CLEC12A: variants seen among roughly 807,000 people sequenced by gnomAD.
CLEC12A encodes C-type lectin protein CLL-1.
Under a neutral mutation model 26.5 loss-of-function variants are expected in CLEC12A, and 22 were observed. The ratio of observed to expected loss-of-function variants is 0.83; its 90% CI spans 0.59 to 1.19. The LOEUF (loss-of-function observed/expected upper bound fraction) is 1.19, where lower values mean the gene tolerates loss of function less well. Ranked by LOEUF, CLEC12A falls within the 50% of genes most tolerant of loss-of-function variation. The pLI is 0.00. For synonymous variants in CLEC12A, 119 were observed against 101.9 expected (o/e 1.17, Z -1.01); for missense variants, 353 against 315.6 (o/e 1.12, Z -0.90).
At chr12:9,993,201 T>C (rs1169097786) in intron 4 of CLEC12A, 3 of 1,612,608 alleles carry the variant, frequency 1.9e-6, no homozygotes, top group South Asian at 2.2e-5. Flanking sequence ...TAAATAATGT[T>C]TGTTCTCACA....
intron 4 of CLEC12A, chr12:9,991,985 T>C (rs1045610719): frequency 6.6e-6 from 1 of 152,122 alleles, no homozygotes; most frequent in Non-Finnish European, 1.5e-5. Flanking sequence ...CTGAGTAACA[T>C]CAGCATTTGA....
chr12:9,955,485 A>G (rs1189344160), intron 1 of CLEC12A, among the ~76,000 whole-genome samples: 1 of 152,204 alleles, frequency 6.6e-6, no homozygotes, highest in Non-Finnish European at 1.5e-5. Flanking sequence ...CTTTTCTCAT[A>G]AGTAATATAG....
chr12:9,953,488 C>A (rs1401526252), intron 1 of CLEC12A, among the ~76,000 whole-genome samples: 2 of 148,716 alleles, frequency 1.3e-5, no homozygotes, highest in Admixed American at 1.3e-4. Flanking sequence ...CAGCCAGCCG[C>A]CCCGTCCGGG....
chr12:9,993,860 G>A (rs935921546), intron 4 of CLEC12A, among the ~76,000 whole-genome samples: 3 of 152,066 alleles, frequency 2.0e-5, no homozygotes, highest in African/African-American at 7.2e-5. Flanking sequence ...ATACTTATTG[G>A]TTTATTTGGA....
the CLEC12A span, among the ~76,000 whole-genome samples, chr12:10,003,529 T>C: frequency 2.0e-5 from 3 of 152,168 alleles, no homozygotes; most frequent in Non-Finnish European, 2.9e-5. Flanking sequence ...AAATATTGAC[T>C]AAGAGGAGAA....
chr12:9,961,925 C>G (rs1443070803), intron 1 of CLEC12A, among the ~76,000 whole-genome samples: 4 of 152,110 alleles, frequency 2.6e-5, no homozygotes, highest in Non-Finnish European at 1.5e-5. Context: ...TCCTGAAGCT[C>G]TAGGTATGTT....
downstream of CLEC12A, among the ~76,000 whole-genome samples, chr12:9,989,928 T>C (rs1312472374): frequency 6.6e-6 from 1 of 152,184 alleles, no homozygotes; most frequent in African/African-American, 2.4e-5. Context: ...ATGCTAAATG[T>C]ACCTGCCAAT....
chr12:9,979,156 A>G, intron 2 of CLEC12A, 92 bp downstream of exon 2: 1 of 1,138,434 alleles, frequency 8.8e-7, no homozygotes, highest in African/African-American at 1.5e-5. Context: ...AAGATTTATA[A>G]TAATGATAGG....
In CLEC12A at chr12:9,952,593, C is replaced by T. The variant is rs1022082317; in HGVS notation, c.10+1237C>T. 74 of 168,544 alleles carry T rather than the reference C, an allele frequency of 4.4e-4. 2 individuals carry two copies. The highest frequency in any genetic ancestry group is 7.3e-4 in the Admixed American group (11 of 15,102). 10.4% of individuals were successfully genotyped at this position (168,544 alleles called of 1,614,324 possible). Reference sequence around the variant, plus strand: ...CGAGATTGCAGCCTCTGCCCGGCCGCCACCCCGTCTGGGAAGTGAGGAGTG... The same window carrying T: ...CGAGATTGCAGCCTCTGCCCGGCCGTCACCCCGTCTGGGAAGTGAGGAGTG... On this transcript the variant is annotated intron_variant, in intron 1 of 6. Transcript: ENST00000355690.
rs1451505873 is a variant in CLEC12A, at chr12:9,979,379, A to G, written c.234A>G (p.Leu78=). The change falls in exon 3 of 6, where the codon CTA becomes CTG. Residue 78 remains leucine, a synonymous_variant. Transcript: ENST00000304361. ...TAGAAATGAAAAAAATGAACAAACT[A>G]CAAAACATCAGTGAAGAGCTCCAGA... ...LKIEMKKMNK[L]QNISEELQRN... The G allele has an allele frequency of 3.7e-6, 6 of 1,606,958 alleles. No individual in the cohort carries two copies. The South Asian group carries it at 6.7e-5, about 18-fold the overall frequency.
chr12:9,980,771 G>A (rs1160503971), intron 4 of CLEC12A, 38 bp downstream of exon 4: 7 of 1,604,282 alleles, frequency 4.4e-6, no homozygotes, highest in Admixed American at 1.7e-5. Flanking sequence ...GGGATAGAGA[G>A]GGGTGTGGCA....
intron 1 of CLEC12A, among the ~76,000 whole-genome samples, chr12:9,962,686 G>A (rs989904712): frequency 2.6e-5 from 4 of 152,128 alleles, no homozygotes; most frequent in African/African-American, 9.7e-5. Context: ...TGAGCCAGGA[G>A]AAGGAATTTT....
chr12:9,964,474 T>C (rs991045786), intron 1 of CLEC12A, among the ~76,000 whole-genome samples: 2 of 151,970 alleles, frequency 1.3e-5, no homozygotes, highest in East Asian at 3.9e-4. Flanking sequence ...AGAATGGGAA[T>C]GAGAATAAGA....
At chr12:9,962,132 G>GTAGC (rs919427360) in intron 1 of CLEC12A, among the ~76,000 whole-genome samples, 111 of 152,284 alleles carry the variant, frequency 7.3e-4, no homozygotes, top group African/African-American at 2.5e-3. Flanking sequence ...GCTTCCGGCA[G>GTAGC]TAGCTAGCCC....
chr12:9,958,348 A>G (rs1315218203), intron 1 of CLEC12A, among the ~76,000 whole-genome samples: 1 of 152,242 alleles, frequency 6.6e-6, no homozygotes. Flanking sequence ...AGAACAGCCT[A>G]CTTGGTGGAC....
At chr12:9,987,748 G>GT (rs551821321), downstream of CLEC12A, among the ~76,000 whole-genome samples, 325 of 151,820 alleles carry the variant, frequency 2.1e-3, no homozygotes, top group Middle Eastern at 6.8e-3. Flanking sequence ...GTTTTTGTTT[G>GT]TTTTTTTGTT....
intron 4 of CLEC12A, chr12:9,991,570 C>CAAGTAACAAGTAAA (rs1864893528): frequency 6.6e-6 from 1 of 152,100 alleles, no homozygotes; most frequent in Non-Finnish European, 1.5e-5. Flanking sequence ...GATCTCCAGA[C>CAAGTAACAAGTAAA]ATTTGAAGTA....
At chr12:9,991,300 T>G (rs1864887472) in intron 4 of CLEC12A, 1 of 152,204 alleles carries the variant, frequency 6.6e-6, no homozygotes, top group South Asian at 2.1e-4. Context: ...TATAAGATAC[T>G]TTAGATATGA....
intron 1 of CLEC12A, among the ~76,000 whole-genome samples, chr12:9,959,730 A>G (rs762336237): frequency 6.6e-6 from 1 of 152,170 alleles, no homozygotes; most frequent in Non-Finnish European, 1.5e-5. Context: ...GCATATTCCA[A>G]GGAGACCTCA....
Sources: allele counts gnomAD v4.1 joint callset (sites outside exome capture counted in the v4.1 genomes callset), GRCh38; gene constraint gnomAD v4.1.1; transcripts MANE v1.5; gene names NCBI Gene and HGNC (gene_info 2026-07-23, HGNC 2026-07-21).